The following RALY variants were observed in gnomAD, a reference collection of about 807,000 sequenced individuals.
RALY encodes the protein RALY heterogeneous nuclear ribonucleoprotein.
A neutral mutation model predicts 30.7 loss-of-function variants in RALY; 15 were observed. The ratio of observed to expected loss-of-function variants is 0.49; its 90% confidence interval spans 0.33 to 0.75. The LOEUF is 0.75. Ranked by LOEUF, RALY falls within the 30% of genes least tolerant of loss-of-function variation. The pLI is 0.02. For synonymous variants in RALY, 177 were observed against 170.8 expected (o/e 1.04, Z -0.28); for missense variants, 339 against 414.3 (o/e 0.82, Z 1.58).
intron 1 of RALY, among the ~76,000 whole-genome samples, chr20:34,025,239 C>T (rs2031974278): frequency 6.6e-6 from 1 of 151,932 alleles, no homozygotes; most frequent in Non-Finnish European, 1.5e-5. Flanking sequence ...GCCTAGAGAA[C>T]GCAGCTTCCC....
chr20:33,999,548 T>G (rs886999552), intron 1 of RALY, among the ~76,000 whole-genome samples: 1 of 152,194 alleles, frequency 6.6e-6, no homozygotes, highest in Non-Finnish European at 1.5e-5. Flanking sequence ...TTACATTTTA[T>G]CCAGGCTACA....
At chr20:34,028,585 TC>T (rs1231749226) in intron 1 of RALY, among the ~76,000 whole-genome samples, 1 of 151,302 alleles carries the variant, frequency 6.6e-6, no homozygotes, top group African/African-American at 2.4e-5. Context: ...GCACCTGTAG[TC>T]CCAGCTACTC....
chr20:34,051,735 A>G (rs543043738), intron 2 of RALY, among the ~76,000 whole-genome samples: 31 of 152,174 alleles, frequency 2.0e-4, no homozygotes, highest in African/African-American at 7.0e-4. Flanking sequence ...AGCTGGGGCT[A>G]CAGGCGCCTG....
chr20:34,077,893 C>G (rs562123916), intron 8 of RALY, among the ~76,000 whole-genome samples: 1 of 152,340 alleles, frequency 6.6e-6, no homozygotes, highest in South Asian at 2.1e-4. Flanking sequence ...GTATTCTGTT[C>G]CCACATTTTA....
At chr20:33,996,686 C>A (rs1366544148) in intron 1 of RALY, among the ~76,000 whole-genome samples, 2 of 152,028 alleles carry the variant, frequency 1.3e-5, no homozygotes, top group Non-Finnish European at 2.9e-5. Flanking sequence ...TCAAAGTGTA[C>A]ATTTATGTGA....
chr20:34,003,292 CTTCCTCACAATGGTA>C (rs1477693265), intron 1 of RALY, among the ~76,000 whole-genome samples: 3 of 152,184 alleles, frequency 2.0e-5, no homozygotes, highest in Non-Finnish European at 2.9e-5. Context: ...CATATCTTGC[CTTCCTCACAATGGTA>C]TTGTGAGGAG....
intron 2 of RALY, among the ~76,000 whole-genome samples, chr20:34,035,296 C>T (rs893667819): frequency 1.3e-5 from 2 of 150,828 alleles, no homozygotes; most frequent in East Asian, 2.0e-4. Context: ...GGGTTCCTCT[C>T]GAAGGCTAGA....
Position 34,072,330 on chromosome 20 carries a change from G to T in RALY, c.256G>T (p.Asp86Tyr). 1 of 1,610,628 alleles carries T rather than the reference G, an allele frequency of 6.2e-7. No homozygotes were observed. Among genetic ancestry groups the T allele is most frequent in the South Asian group, 1.1e-5 (1 of 91,040 alleles). The change falls in exon 3 of 10, where the codon GAC (aspartate) becomes TAC (tyrosine). Residue 86 changes from aspartate to tyrosine, a missense_variant and splice_region_variant. Transcript: ENST00000246194. ...NGRVLAGQTL[D>Y]INMAGEPKPD... ...GCGGGTGCTGGCCGGGCAGACCCTG[G>T]GTAAGCCTCTCTTCACTATATTCTC... is the stretch of plus-strand genomic sequence containing the variant.
chr20:34,018,522 A>G (rs1156515614), intron 1 of RALY, among the ~76,000 whole-genome samples: 1 of 152,196 alleles, frequency 6.6e-6, no homozygotes, highest in African/African-American at 2.4e-5. Flanking sequence ...TACCCCTGAA[A>G]TGAAATTACA....
In RALY at chr20:34,077,189, C is replaced by T. The variant is rs141651101; in HGVS notation, c.820C>T (p.Arg274Trp). The change falls in exon 8 of 10, where the codon CGG (arginine) becomes TGG (tryptophan). Residue 274 changes from arginine to tryptophan, a missense_variant. Transcript: ENST00000246194. ...GGCAGGCCTGCCCCAGGGGGAAGCA[C>T]GGACCCGAGACGACGGCGATGAGGA... ...SEAGLPQGEARTRDDGDEEGL... is the reference protein window; with the variant it reads ...SEAGLPQGEAWTRDDGDEEGL... 37 of 1,613,618 alleles carry T rather than the reference C, an allele frequency of 2.3e-5. No homozygotes were observed. Among genetic ancestry groups the T allele is most frequent in the Non-Finnish European group, 3.0e-5 (35 of 1,179,954 alleles).
intron 1 of RALY, among the ~76,000 whole-genome samples, chr20:34,016,922 T>C (rs1170719142): frequency 2.6e-5 from 4 of 152,238 alleles, no homozygotes. Context: ...TAGCCAGGCC[T>C]GGGGAGCCTG....
chr20:33,999,432 T>C (rs2030805885), intron 1 of RALY, among the ~76,000 whole-genome samples: 1 of 152,190 alleles, frequency 6.6e-6, no homozygotes, highest in Non-Finnish European at 1.5e-5. Context: ...TGTTCCTGGC[T>C]AAACTGGATG....
intron 2 of RALY, among the ~76,000 whole-genome samples, chr20:34,051,545 C>G (rs1052836731): frequency 6.6e-6 from 1 of 152,128 alleles, no homozygotes; most frequent in Non-Finnish European, 1.5e-5. Context: ...GGTATCCTAT[C>G]TCATAGGATA....
At chr20:34,020,707 T>C (rs562862393) in intron 1 of RALY, among the ~76,000 whole-genome samples, 1 of 152,258 alleles carries the variant, frequency 6.6e-6, no homozygotes, top group Non-Finnish European at 1.5e-5. Context: ...CAGAGTTGAA[T>C]ACCACGCAGA....
At chr20:34,028,971 G>A (rs1248069978) in intron 1 of RALY, among the ~76,000 whole-genome samples, 3 of 152,028 alleles carry the variant, frequency 2.0e-5, no homozygotes, top group Non-Finnish European at 2.9e-5. Flanking sequence ...GACTTTTTTT[G>A]AGCAGGGAAG....
chr20:34,018,236 C>T (rs146894598), intron 1 of RALY, among the ~76,000 whole-genome samples: 23 of 152,296 alleles, frequency 1.5e-4, no homozygotes, highest in African/African-American at 5.5e-4. Flanking sequence ...GCAGGTGCAG[C>T]AGGTAGGGAG....
At chr20:34,022,410 G>A (rs1333085892) in intron 1 of RALY, among the ~76,000 whole-genome samples, 1 of 152,096 alleles carries the variant, frequency 6.6e-6, no homozygotes, top group East Asian at 1.9e-4. Context: ...TGTGGGTGGA[G>A]GGGCTTATGA....
At chr20:34,079,062 C>G (rs1308282928) in intron 9 of RALY, among the ~76,000 whole-genome samples, 1 of 152,124 alleles carries the variant, frequency 6.6e-6, no homozygotes, top group African/African-American at 2.4e-5. Context: ...GCAGTGCCCC[C>G]CTAGTTGGTA....
chr20:34,041,876 C>T (rs1312292274), intron 2 of RALY, among the ~76,000 whole-genome samples: 1 of 151,942 alleles, frequency 6.6e-6, no homozygotes, highest in South Asian at 2.1e-4. Flanking sequence ...GAGGCTGAGG[C>T]GGGTGGATCA....
Sources: allele counts gnomAD v4.1 joint callset (sites outside exome capture counted in the v4.1 genomes callset), GRCh38; gene constraint gnomAD v4.1.1; transcripts MANE v1.5; gene names NCBI Gene and HGNC (gene_info 2026-07-23, HGNC 2026-07-21).